The following CFAP54 variants were observed in gnomAD, a reference collection of about 807,000 sequenced individuals.
CFAP54 encodes the protein cilia and flagella associated protein 54, also known as cilia- and flagella-associated protein 54.
CFAP54 carries 290 observed loss-of-function variants against 370.4 expected under a neutral mutation model. That is an observed-to-expected ratio of 0.78 (90% CI 0.71 to 0.86). CFAP54 has a LOEUF of 0.86. Among genes scored for constraint, CFAP54 ranks in the 40% least tolerant of loss-of-function variants. The pLI is 0.00. For missense variants in CFAP54, 3,399 were observed against 3,528.7 expected, an observed-to-expected ratio of 0.96 and a Z score of 0.93; for synonymous variants, 1,206 against 1,236.5, an observed-to-expected ratio of 0.98 and a Z score of 0.52.
At chr12:96,736,807 C>T (rs1957985082) in intron 50 of CFAP54, among the ~76,000 whole-genome samples, 1 of 152,096 alleles carries the variant, frequency 6.6e-6, no homozygotes, top group Non-Finnish European at 1.5e-5. Context: ...ATATAACAGC[C>T]ATAAATATGA....
chr12:96,512,461 G>C (rs1176984148), intron 4 of CFAP54, among the ~76,000 whole-genome samples: 1 of 151,236 alleles, frequency 6.6e-6, no homozygotes, highest in Non-Finnish European at 1.5e-5. Context: ...TTCTCCCTCA[G>C]TCTCCCAAGT....
At chr12:96,774,345 T>C (rs1958494044) in intron 60 of CFAP54, among the ~76,000 whole-genome samples, 1 of 152,174 alleles carries the variant, frequency 6.6e-6, no homozygotes, top group African/African-American at 2.4e-5. Flanking sequence ...GATTTTGGAT[T>C]TCTGTCATAG....
chr12:96,763,819 A>G (rs1368245966), intron 58 of CFAP54, among the ~76,000 whole-genome samples: 1 of 152,200 alleles, frequency 6.6e-6, no homozygotes, highest in Non-Finnish European at 1.5e-5. Flanking sequence ...TATTACACAA[A>G]TAATTCAAAT....
chr12:96,789,169 G>A (rs182936246), intron 62 of CFAP54, among the ~76,000 whole-genome samples: 5 of 152,254 alleles, frequency 3.3e-5, no homozygotes, highest in Admixed American at 6.5e-5. Context: ...AATCTGTTGC[G>A]TGAGGAGCAG....
Position 96,494,142 on chromosome 12 carries a change from G to A in CFAP54, c.317+4216G>A, listed in dbSNP as rs536203458. ...GGCAGAACAGATCCATTCCTACTTCGGAGGAATGGACAGAATCCCATTTAG... is the reference window on the plus strand; with the variant it reads ...GGCAGAACAGATCCATTCCTACTTCAGAGGAATGGACAGAATCCCATTTAG... On this transcript the variant is annotated intron_variant, in intron 1 of 67. Transcript: ENST00000524981. Among the ~76,000 whole-genome samples, 6 of 152,240 alleles carry A rather than the reference G, an allele frequency of 3.9e-5. No homozygotes were observed. In the South Asian group the frequency reaches 6.2e-4, roughly 16 times the overall value.
Position 96,650,019 on chromosome 12 carries a change from T to C in CFAP54, c.4819T>C (p.Leu1607=). 4.3e-6 allele frequency: 7 copies of C among 1,613,606 alleles called. No individual in the cohort carries two copies. Among genetic ancestry groups the C allele is most frequent in the East Asian group, 2.2e-5 (1 of 44,850 alleles). The change falls in exon 35 of 68, where the codon TTG becomes CTG. Residue 1607 remains leucine (L), a synonymous_variant. Transcript: ENST00000524981. ...TAAAGAAAAGGACCGAGGAGCAAATTTGTGTGTAATGGATCATTTTATGAA... is the reference window on the plus strand; with the variant it reads ...TAAAGAAAAGGACCGAGGAGCAAATCTGTGTGTAATGGATCATTTTATGAA... ...SAKEKDRGAN[L]CVMDHFMKIF...
chr12:96,621,528 C>A, intron 26 of CFAP54, 62 bp from the exon 27 acceptor site: 1 of 1,125,188 alleles, frequency 8.9e-7, no homozygotes, highest in Non-Finnish European at 1.2e-6. Flanking sequence ...GAAAATGATG[C>A]ATTATACTTG....
chr12:96,841,394 T>C (rs1959214123), intron 66 of CFAP54, among the ~76,000 whole-genome samples: 1 of 152,256 alleles, frequency 6.6e-6, no homozygotes, highest in Admixed American at 6.5e-5. Context: ...TACCAAAAAG[T>C]TTCACCTTGG....
At chr12:96,632,143 A>G (rs1956616583) in intron 32 of CFAP54, among the ~76,000 whole-genome samples, 1 of 151,908 alleles carries the variant, frequency 6.6e-6, no homozygotes, top group South Asian at 2.1e-4. Flanking sequence ...TTCCAGTCTC[A>G]GGACTGCTTG....
chr12:96,598,510 A>G (rs564031021), intron 25 of CFAP54, 135 bp from the exon 26 acceptor site: 2 of 431,796 alleles, frequency 4.6e-6, no homozygotes, highest in Non-Finnish European at 8.2e-6. Context: ...TTTATTCCTA[A>G]TAAACAATTT....
At chr12:96,644,524 TC>T in intron 33 of CFAP54, 116 bp downstream of exon 33, 1 of 710,256 alleles carries the variant, frequency 1.4e-6, no homozygotes, top group East Asian at 2.7e-5. Context: ...AGTGCTTCTA[TC>T]TTTATACTGG....
At chr12:96,657,468 TA>T (rs565731256) in intron 36 of CFAP54, among the ~76,000 whole-genome samples, 38 of 152,350 alleles carry the variant, frequency 2.5e-4, no homozygotes, top group Admixed American at 5.9e-4. Flanking sequence ...TATCCTTACT[TA>T]AATGGATAGT....
intron 27 of CFAP54, among the ~76,000 whole-genome samples, chr12:96,622,339 CCTCT>C (rs371334823): frequency 3.9e-4 from 54 of 137,406 alleles, no homozygotes; most frequent in South Asian, 7.4e-4. Context: ...GCCCTCCCTC[CCTCT>C]CTCTCTCTCT....
chr12:96,649,966 ACTCAGACT>A lies in CFAP54; in HGVS notation c.4771_4778del (p.Asp1591IlefsTer4), dbSNP rs1477109200. 1 of 1,612,918 alleles carries A rather than the reference ACTCAGACT, an allele frequency of 6.2e-7. No individual in the cohort carries two copies. The highest frequency in any genetic ancestry group is 1.3e-5 in the African/African-American group (1 of 75,024). ...ATGTCCAAGACACAAACAGTTTATG[ACTCAGACT>A]CTCAATCAGGTTCTAGTGCTAAAGA... is the stretch of plus-strand genomic sequence containing the variant. On this transcript the variant is annotated frameshift_variant, in exon 35 of 68. Coordinates refer to ENST00000524981, the MANE Select transcript of CFAP54 (RefSeq NM_001306084.2). LOFTEE classifies it high-confidence loss of function.
intron 26 of CFAP54, among the ~76,000 whole-genome samples, chr12:96,610,659 G>T (rs966104461): frequency 9.9e-5 from 15 of 152,132 alleles, no homozygotes; most frequent in Non-Finnish European, 4.4e-5. Flanking sequence ...TATGACAGAC[G>T]GCACCTGGAA....
Position 96,744,019 on chromosome 12 carries a change from G to T in CFAP54, c.7558-1G>T. 1 of 1,605,372 alleles carries T rather than the reference G, an allele frequency of 6.2e-7. No homozygotes were observed. Among genetic ancestry groups the T allele is most frequent in the Non-Finnish European group, 8.5e-7 (1 of 1,177,648 alleles). On this transcript the variant is annotated splice_acceptor_variant, in intron 54 of 67. Coordinates refer to ENST00000524981, the MANE Select transcript of CFAP54 (RefSeq NM_001306084.2). LOFTEE classifies it high-confidence loss of function. ...CATTACAATATTTGTTTTTTTAATA[G>T]ATGCTAGCTTTTGGAGAAACAATTG...
intron 38 of CFAP54, among the ~76,000 whole-genome samples, chr12:96,663,341 T>G (rs1452353107): frequency 6.6e-6 from 1 of 152,208 alleles, no homozygotes; most frequent in East Asian, 1.9e-4. Context: ...AATTTTTGTC[T>G]TTTTAAAACT....
chr12:96,650,049 T>C lies in CFAP54; in HGVS notation c.4849T>C (p.Phe1617Leu), dbSNP rs1305209512. Residue 1617 changes from phenylalanine to leucine, a missense_variant, in exon 35 of 68, where the codon TTT (phenylalanine) becomes CTT (leucine). By Grantham distance (22) the Phe-to-Leu change is conservative. Coordinates refer to ENST00000524981, the MANE Select transcript of CFAP54 (RefSeq NM_001306084.2). Reference sequence around the variant, plus strand: ...TGTAATGGATCATTTTATGAAAATCTTTTTATACTGCAGGAGAGCAATGGT... The same window carrying C: ...TGTAATGGATCATTTTATGAAAATCCTTTTATACTGCAGGAGAGCAATGGT... Reference protein sequence around the residue: ...LCVMDHFMKIFLYCRRAMVLA... With the variant: ...LCVMDHFMKILLYCRRAMVLA... 2 of 1,612,172 alleles carry C rather than the reference T, an allele frequency of 1.2e-6. No individual in the cohort carries two copies. Among genetic ancestry groups the C allele is most frequent in the African/African-American group, 2.7e-5 (2 of 74,842 alleles).
At chr12:96,823,949 T>C (rs1035501333) in intron 65 of CFAP54, among the ~76,000 whole-genome samples, 1 of 151,812 alleles carries the variant, frequency 6.6e-6, no homozygotes. Flanking sequence ...ACTTAGGAAG[T>C]TTTTTCTCCC....
Sources: allele counts gnomAD v4.1 joint callset (sites outside exome capture counted in the v4.1 genomes callset), GRCh38; gene constraint gnomAD v4.1.1; transcripts MANE v1.5; gene names NCBI Gene and HGNC (gene_info 2026-07-23, HGNC 2026-07-21).